The following SLC9C1 variants were observed in gnomAD, a reference collection of about 807,000 sequenced individuals.
SLC9C1 encodes sodium/hydrogen exchanger 10.
Under a neutral mutation model 140.9 loss-of-function variants are expected in SLC9C1, and 97 were observed. That is an observed-to-expected ratio of 0.69 (90% CI 0.58 to 0.82). The LOEUF (loss-of-function observed/expected upper bound fraction) is 0.82, where lower values mean the gene tolerates loss of function less well. Ranked by LOEUF, SLC9C1 falls within the 40% of genes least tolerant of loss-of-function variation. The probability of loss-of-function intolerance (pLI) is 0.00; values close to 1 mark genes in which losing one functional copy is unlikely to be tolerated. For synonymous variants in SLC9C1, 440 were observed against 442.6 expected (o/e 0.99, Z 0.07); for missense variants, 1,340 against 1,389.3 (o/e 0.96, Z 0.56).
At chr3:112,277,093 G>C (rs550216246) in intron 5 of SLC9C1, among the ~76,000 whole-genome samples, 2 of 152,060 alleles carry the variant, frequency 1.3e-5, no homozygotes, top group African/African-American at 4.8e-5. Context: ...AGTGATGAAA[G>C]GGGACAATAA....
intron 15 of SLC9C1, among the ~76,000 whole-genome samples, chr3:112,214,220 G>C (rs1174344548): frequency 6.6e-6 from 1 of 152,186 alleles, no homozygotes; most frequent in African/African-American, 2.4e-5. Context: ...TGTGTAGAGG[G>C]AAATTTGTAG....
In SLC9C1 at chr3:112,277,744, G is replaced by T. The variant is rs1221952429; in HGVS notation, c.435C>A (p.Ile145=). Residue 145 remains isoleucine (I), a synonymous_variant, in exon 5 of 29, where the codon ATC becomes ATA. Transcript: ENST00000305815. ...KPTQWLLFSA[I]LVSSDPMLTA... is the part of the protein sequence containing the mutation. ...TTAGCATGGGATCTGAACTCACAAGGATAGCTGAAAATAATAACCATTGGG... is the reference window on the plus strand; with the variant it reads ...TTAGCATGGGATCTGAACTCACAAGTATAGCTGAAAATAATAACCATTGGG... 6.2e-7 allele frequency: 1 copy of T among 1,611,302 alleles called. No homozygotes were observed. Among genetic ancestry groups the T allele is most frequent in the East Asian group, 2.2e-5 (1 of 44,782 alleles).
intron 7 of SLC9C1, among the ~76,000 whole-genome samples, chr3:112,269,204 G>A (rs1472502595): frequency 6.6e-6 from 1 of 152,100 alleles, no homozygotes; most frequent in Non-Finnish European, 1.5e-5. Context: ...CAAATTCCTG[G>A]GCTCAAGTGA....
intron 26 of SLC9C1, among the ~76,000 whole-genome samples, chr3:112,163,566 A>G (rs199525799): frequency 0.1 from 15,703 of 151,956 alleles, 853 homozygotes; most frequent in East Asian, 0.2. Flanking sequence ...TTCAGTTTCC[A>G]TATAGTTGAG....
intron 10 of SLC9C1, among the ~76,000 whole-genome samples, chr3:112,248,231 A>C (rs7638520): frequency 0.59 from 89,845 of 151,802 alleles, 27,104 homozygotes; most frequent in East Asian, 0.79. Flanking sequence ...AAAACCACAC[A>C]ATCAGCTTAG....
At chr3:112,271,823 C>A (rs1384259774) in intron 6 of SLC9C1, among the ~76,000 whole-genome samples, 1 of 152,064 alleles carries the variant, frequency 6.6e-6, no homozygotes, top group Non-Finnish European at 1.5e-5. Context: ...AGTGACTGAT[C>A]GCTTCCTTAT....
At chr3:112,292,557 T>G (rs1559761736) in intron 1 of SLC9C1, among the ~76,000 whole-genome samples, 1 of 152,146 alleles carries the variant, frequency 6.6e-6, no homozygotes, top group Non-Finnish European at 1.5e-5. Context: ...TTTTTTTTGT[T>G]TTTTGAGACG....
intron 23 of SLC9C1, among the ~76,000 whole-genome samples, 196 bp from the exon 24 acceptor site, chr3:112,169,524 C>T (rs978811575): frequency 6.6e-6 from 1 of 152,078 alleles, no homozygotes; most frequent in African/African-American, 2.4e-5. Context: ...TTGACTTTGT[C>T]AAAATCAGTT....
chr3:112,274,506 C>A (rs1021229751), intron 6 of SLC9C1, among the ~76,000 whole-genome samples: 1 of 152,098 alleles, frequency 6.6e-6, no homozygotes, highest in Non-Finnish European at 1.5e-5. Flanking sequence ...ATGTTGCCTG[C>A]ATGAGATATA....
chr3:112,170,276 A>G, intron 23 of SLC9C1, among the ~76,000 whole-genome samples: 1 of 152,212 alleles, frequency 6.6e-6, no homozygotes, highest in East Asian at 1.9e-4. Flanking sequence ...GCGTCTGACA[A>G]TGGACCAATG....
At chr3:112,191,440 T>C (rs2077659732) in intron 20 of SLC9C1, among the ~76,000 whole-genome samples, 1 of 152,132 alleles carries the variant, frequency 6.6e-6, no homozygotes, top group Admixed American at 6.5e-5. Context: ...TCTATATCAA[T>C]TGGGAAAATC....
chr3:112,233,073 T>TATATA (rs60790024), intron 12 of SLC9C1, among the ~76,000 whole-genome samples: 32 of 136,352 alleles, frequency 2.3e-4, no homozygotes, highest in South Asian at 4.6e-4. Flanking sequence ...ATATATTATA[T>TATATA]TTTTTTTTTT....
chr3:112,223,541 G>T (rs1445752467), intron 13 of SLC9C1, among the ~76,000 whole-genome samples: 1 of 147,116 alleles, frequency 6.8e-6, no homozygotes, highest in East Asian at 2.1e-4. Flanking sequence ...GGTAAAATTA[G>T]ATACTTTTTG....
At chr3:112,252,839 C>T (rs1472887853) in intron 10 of SLC9C1, among the ~76,000 whole-genome samples, 4 of 151,854 alleles carry the variant, frequency 2.6e-5, no homozygotes, top group South Asian at 2.1e-4. Flanking sequence ...CCCATTCCTC[C>T]ACAGTAGGCG....
At chr3:112,204,464 C>A in intron 16 of SLC9C1, 61 bp from the exon 17 acceptor site, 1 of 1,490,444 alleles carries the variant, frequency 6.7e-7, no homozygotes, top group Non-Finnish European at 8.9e-7. Context: ...ACACCATTTT[C>A]CACAATAATT....
chr3:112,279,198 C>T (rs1484554884), intron 3 of SLC9C1, among the ~76,000 whole-genome samples: 1 of 152,148 alleles, frequency 6.6e-6, no homozygotes, highest in Non-Finnish European at 1.5e-5. Flanking sequence ...CACTGAGTAC[C>T]TACTGTGTTA....
intron 15 of SLC9C1, among the ~76,000 whole-genome samples, chr3:112,211,714 C>T (rs1264636859): frequency 6.6e-6 from 1 of 152,230 alleles, no homozygotes; most frequent in East Asian, 1.9e-4. Context: ...CCGGGAGGCT[C>T]AAGCTGGGTG....
Position 112,204,399 on chromosome 3 carries a change from G to A in SLC9C1, c.1991C>T (p.Ala664Val). ...LYILEALLKI[A>V]AMRKDFFSHA... is the part of the protein sequence containing the mutation. ...TGAAAAAAAGTCCTTCCTCATTGCT[G>A]CTATCTGTTGATTTAAAAGGAAATT... is the stretch of plus-strand genomic sequence containing the variant. The change falls in exon 17 of 29, where the codon GCA (alanine) becomes GTA (valine). Residue 664 changes from alanine to valine, a missense_variant. By Grantham distance (64) the Ala-to-Val change is moderately conservative. Coordinates refer to ENST00000305815, the MANE Select transcript of SLC9C1 (RefSeq NM_183061.3). The A allele has an allele frequency of 6.4e-7, 1 of 1,559,748 alleles. No homozygotes were observed. Among genetic ancestry groups the A allele is most frequent in the Non-Finnish European group, 8.6e-7 (1 of 1,162,210 alleles).
intron 13 of SLC9C1, among the ~76,000 whole-genome samples, chr3:112,228,938 G>C (rs1259710970): frequency 1.4e-5 from 2 of 145,644 alleles, no homozygotes; most frequent in African/African-American, 4.8e-5. Flanking sequence ...TCCATCAATA[G>C]ATGAATGGAT....
Sources: allele counts gnomAD v4.1 joint callset (sites outside exome capture counted in the v4.1 genomes callset), GRCh38; gene constraint gnomAD v4.1.1; transcripts MANE v1.5; gene names NCBI Gene and HGNC (gene_info 2026-07-23, HGNC 2026-07-21).